The following TNFSF4 variants were observed in gnomAD, a reference collection of about 807,000 sequenced individuals.
TNFSF4 encodes TNF superfamily member 4.
In TNFSF4, 4 loss-of-function variants were observed where a neutral mutation model predicts 7.3. The observed-to-expected ratio is 0.55, with a 90% CI of 0.27 to 1.25. The LOEUF (loss-of-function observed/expected upper bound fraction) is 1.25. TNFSF4 is among the 50% of genes most tolerant of loss of function. The pLI is 0.12. For synonymous variants in TNFSF4, 76 were observed against 83.7 expected (o/e 0.91, Z 0.50); for missense variants, 181 against 208.8 (o/e 0.87, Z 0.82).
the TNFSF4 span, among the ~76,000 whole-genome samples, chr1:173,401,037 T>C: frequency 1.4e-5 from 2 of 146,864 alleles, no homozygotes; most frequent in East Asian, 2.1e-4. Flanking sequence ...TATATATACA[T>C]ATATATTTGC....
chr1:173,238,029 G>A, the TNFSF4 span, among the ~76,000 whole-genome samples: 134 of 152,058 alleles, frequency 8.8e-4, no homozygotes, highest in Middle Eastern at 3.4e-3. Context: ...TACAGTAACC[G>A]AAACAGCATG....
the TNFSF4 span, among the ~76,000 whole-genome samples, chr1:173,359,535 A>AAC: frequency 2.3e-4 from 26 of 113,696 alleles, no homozygotes; most frequent in African/African-American, 7.9e-4. Flanking sequence ...AAAAAAAAAA[A>AAC]AAAAAACTAC....
At chr1:173,234,636 T>A in the TNFSF4 span, among the ~76,000 whole-genome samples, 2 of 152,166 alleles carry the variant, frequency 1.3e-5, no homozygotes, top group Non-Finnish European at 2.9e-5. Context: ...TGAGTTAGTG[T>A]CCTTTGTAGG....
At chr1:173,177,252 C>T in the TNFSF4 span, among the ~76,000 whole-genome samples, 2 of 152,086 alleles carry the variant, frequency 1.3e-5, no homozygotes, top group Non-Finnish European at 2.9e-5. Flanking sequence ...CAATGGAATA[C>T]TATTTGGCTG....
In TNFSF4 at chr1:173,186,799, T is replaced by C; in HGVS notation, c.269A>G (p.Asn90Ser). Residue 90 changes from asparagine to serine, a missense_variant, in exon 3 of 3, where the codon AAC becomes AGC. By Grantham distance (46) the Asn-to-Ser change is conservative (BLOSUM62 1). Transcript: ENST00000281834. ...QKEDEIMKVQ[N>S]NSVIINCDGF... ...ATCACAGTTGATGATGACTGAGTTG[T>C]TCTGCACCTTCATGATTTCATCCTC... The C allele has an allele frequency of 6.2e-7, 1 of 1,613,562 alleles. No homozygotes were observed. The highest frequency in any genetic ancestry group is 8.5e-7 in the Non-Finnish European group (1 of 1,179,746).
intron 1 of TNFSF4, among the ~76,000 whole-genome samples, chr1:173,201,788 C>T (rs986878027): frequency 3.4e-4 from 52 of 152,202 alleles, no homozygotes; most frequent in African/African-American, 1.3e-3. Flanking sequence ...TGGGTGATTA[C>T]AAACGAAATA....
the TNFSF4 span, among the ~76,000 whole-genome samples, chr1:173,302,752 T>C: frequency 1.2e-3 from 5 of 4,176 alleles, no homozygotes; most frequent in Non-Finnish European, 2.0e-3. Flanking sequence ...CAACTCTTTC[T>C]TTTTTTTTTT....
intron 1 of TNFSF4, among the ~76,000 whole-genome samples, chr1:173,203,743 C>T (rs1206860833): frequency 6.6e-6 from 1 of 152,038 alleles, no homozygotes; most frequent in African/African-American, 2.4e-5. Flanking sequence ...TGAAAAAAAT[C>T]ACTAAAAGCC....
At chr1:173,329,749 C>G in the TNFSF4 span, among the ~76,000 whole-genome samples, 5 of 151,896 alleles carry the variant, frequency 3.3e-5, no homozygotes, top group African/African-American at 1.2e-4. Context: ...CTGTAAACAG[C>G]CTTCTGTGTT....
At chr1:173,336,358 T>A in the TNFSF4 span, among the ~76,000 whole-genome samples, 1 of 152,234 alleles carries the variant, frequency 6.6e-6, no homozygotes, top group Non-Finnish European at 1.5e-5. Context: ...CAGTGTATTA[T>A]CTTAAGTTTA....
chr1:173,323,650 TGAG>T, the TNFSF4 span, among the ~76,000 whole-genome samples: 50 of 152,032 alleles, frequency 3.3e-4, no homozygotes, highest in Middle Eastern at 3.4e-3. Flanking sequence ...GAATAACCAA[TGAG>T]GAGAAGTCCT....
the TNFSF4 span, among the ~76,000 whole-genome samples, chr1:173,176,592 C>T: frequency 6.6e-6 from 1 of 152,146 alleles, no homozygotes; most frequent in East Asian, 1.9e-4. Flanking sequence ...GAAAACAGAA[C>T]TATCATTCAA....
In TNFSF4 at chr1:173,202,810, G is replaced by A. The variant is rs552032706; in HGVS notation, c.153+4214C>T. The stretch of plus-strand genomic sequence containing the variant: ...CAACTTGAGCTATTCAGAAAAACTT[G>A]CTGTTCTGCCTAGTAAGCCTTCTAC... On this transcript the variant is annotated intron_variant, in intron 1 of 2. Coordinates refer to ENST00000281834, the MANE Select transcript of TNFSF4 (RefSeq NM_003326.5). Among the ~76,000 whole-genome samples, 45 of 152,198 alleles carry A rather than the reference G, an allele frequency of 3.0e-4. No individual in the cohort carries two copies. In the South Asian group the frequency reaches 9.1e-3, roughly 31 times the overall value.
the TNFSF4 span, among the ~76,000 whole-genome samples, chr1:173,254,183 T>C: frequency 6.6e-6 from 1 of 152,354 alleles, no homozygotes; most frequent in African/African-American, 2.4e-5. Context: ...TAGAGATCTT[T>C]ACCTTTGTCA....
the TNFSF4 span, among the ~76,000 whole-genome samples, chr1:173,215,727 CT>C: frequency 6.6e-6 from 1 of 152,200 alleles, no homozygotes; most frequent in South Asian, 2.1e-4. Context: ...TCATCAACAT[CT>C]TTATCCCAAT....
At chr1:173,406,773 G>A in the TNFSF4 span, among the ~76,000 whole-genome samples, 10 of 152,238 alleles carry the variant, frequency 6.6e-5, no homozygotes, top group Middle Eastern at 3.4e-3. Flanking sequence ...TGAATGAATC[G>A]GTCCAAATGT....
At chr1:173,269,732 A>G in the TNFSF4 span, among the ~76,000 whole-genome samples, 2 of 152,234 alleles carry the variant, frequency 1.3e-5, no homozygotes, top group East Asian at 3.9e-4. Flanking sequence ...TGAATTGTTT[A>G]TTTGTGCAAT....
chr1:173,190,980 CTTTAAG>C (rs1051600750), intron 1 of TNFSF4, among the ~76,000 whole-genome samples: 4 of 152,188 alleles, frequency 2.6e-5, no homozygotes, highest in African/African-American at 7.2e-5. Flanking sequence ...GAAGTTGTGA[CTTTAAG>C]TTTAATTTAA....
chr1:173,431,464 CCA>C, the TNFSF4 span, among the ~76,000 whole-genome samples: 1 of 152,154 alleles, frequency 6.6e-6, no homozygotes, highest in East Asian at 1.9e-4. Flanking sequence ...TGCTGGGGGC[CCA>C]AAATCAGCCT....
Sources: allele counts gnomAD v4.1 joint callset (sites outside exome capture counted in the v4.1 genomes callset), GRCh38; gene constraint gnomAD v4.1.1; transcripts MANE v1.5; gene names NCBI Gene and HGNC (gene_info 2026-07-23, HGNC 2026-07-21).